The following ANKMY1 variants were observed in gnomAD, a reference collection of about 807,000 sequenced individuals.
The protein encoded by ANKMY1 is ankyrin repeat and MYND domain-containing protein 1.
In ANKMY1, 98 loss-of-function variants were observed where a neutral mutation model predicts 102.0. The ratio of observed to expected loss-of-function variants is 0.96; its 90% confidence interval spans 0.82 to 1.14. The LOEUF is 1.14. Among genes scored for constraint, ANKMY1 ranks in the 50% most tolerant of loss-of-function variants. ANKMY1 has a pLI of 0.00. For missense variants in ANKMY1, 1,330 were observed against 1,347.6 expected (o/e 0.99, Z 0.20); for synonymous variants, 582 against 559.9 (o/e 1.04, Z -0.56).
chr2:240,528,572 G>A (rs529839187), intron 5 of ANKMY1, among the ~76,000 whole-genome samples: 1 of 152,154 alleles, frequency 6.6e-6, no homozygotes, highest in South Asian at 2.1e-4. Context: ...ACACCTAGGC[G>A]CTGATGCAAC....
chr2:240,536,264 G>A (rs952026351), intron 4 of ANKMY1, among the ~76,000 whole-genome samples: 1 of 151,318 alleles, frequency 6.6e-6, no homozygotes, highest in East Asian at 1.9e-4. Flanking sequence ...CAATAAGTGA[G>A]AAAAGAAAAG....
At chr2:240,504,565 T>G (rs1206590436) in intron 13 of ANKMY1, among the ~76,000 whole-genome samples, 1 of 151,870 alleles carries the variant, frequency 6.6e-6, no homozygotes, top group South Asian at 2.1e-4. Flanking sequence ...AGAAATGTCC[T>G]AAAACTCAAT....
In ANKMY1 at chr2:240,523,951, G is replaced by T; in HGVS notation, c.1766C>A (p.Ser589Ter). 3.7e-6 allele frequency: 6 copies of T among 1,613,782 alleles called. No individual in the cohort carries two copies. Among genetic ancestry groups the T allele is most frequent in the Non-Finnish European group, 5.1e-6 (6 of 1,180,048 alleles). ...AQSHSLLKMA[S>*]PSPCTSSFDK... The stretch of plus-strand genomic sequence containing the variant: ...GAAGCTGCTGGTGCACGGTGAGGGC[G>T]AGGCCATCTTCAGCAAGCTGTGGGA... Residue 589 changes from serine to a stop codon, truncating the protein, a stop_gained, in exon 8 of 18, where the codon TCG (serine) becomes TAG (stop). Coordinates refer to ENST00000401804, the MANE Select transcript of ANKMY1 (RefSeq NM_001282771.3). LOFTEE classifies it high-confidence loss of function.
rs114892913 is a variant in ANKMY1 at position 240,508,900 on chromosome 2, G to C, written c.2394+448C>G. On this transcript the variant is annotated intron_variant, in intron 12 of 17. Coordinates refer to ENST00000401804, the MANE Select transcript of ANKMY1 (RefSeq NM_001282771.3). ...TGGATGGATGGACAGACGGATGGGTGAATAGGTGAATGAATGGATGGGTGA... is the reference window on the plus strand; with the variant it reads ...TGGATGGATGGACAGACGGATGGGTCAATAGGTGAATGAATGGATGGGTGA... Among the ~76,000 whole-genome samples, 1,198 of 150,848 alleles carry C rather than the reference G, an allele frequency of 7.9e-3. 12 individuals are homozygous for C. Among genetic ancestry groups the C allele is most frequent in the African/African-American group, 0.028 (1,151 of 41,060 alleles).
intron 4 of ANKMY1, among the ~76,000 whole-genome samples, chr2:240,540,217 G>A (rs1025636723): frequency 7.9e-5 from 12 of 152,198 alleles, no homozygotes; most frequent in Admixed American, 7.8e-4. Context: ...CCTAACCAAT[G>A]TGTGTTTTCC....
chr2:240,493,192 T>A (rs2076846077), intron 15 of ANKMY1, among the ~76,000 whole-genome samples: 1 of 151,844 alleles, frequency 6.6e-6, no homozygotes, highest in Non-Finnish European at 1.5e-5. Context: ...CCAGGCATGG[T>A]GGTGCATGCC....
At position 240,557,240 on chromosome 2, in the gene ANKMY1, AG is replaced by A; in HGVS notation, c.95del (p.Pro32LeufsTer9). ...RPLEGKGGET[P>X]AAEEPGSLKN... ...TCAGGGACCCCGGCTCCTCGGCAGC[AG>A]GGGTCTCGCCGCCCTTCCCCTCTAG... On this transcript the variant is annotated frameshift_variant, in exon 2 of 18. Transcript: ENST00000401804. LOFTEE classifies it high-confidence loss of function. 6.3e-7 allele frequency: 1 copy of A among 1,593,196 alleles called. No individual in the cohort carries two copies. Among genetic ancestry groups the A allele is most frequent in the Non-Finnish European group, 8.6e-7 (1 of 1,169,106 alleles).
chr2:240,535,806 G>A (rs1438170042), intron 4 of ANKMY1, among the ~76,000 whole-genome samples: 1 of 152,018 alleles, frequency 6.6e-6, no homozygotes, highest in Admixed American at 6.6e-5. Context: ...CTGCACTCCA[G>A]CCTGGGTGAC....
intron 5 of ANKMY1, chr2:240,527,166 AGATGAATAGATGGATAAGTGGGTGGGTG>A (rs2083687977): frequency 5.7e-6 from 1 of 174,082 alleles, no homozygotes; most frequent in Admixed American, 8.0e-5. Flanking sequence ...GTGGGTGGGT[AGATGAATAGATGGATAAGTGGGTGGGTG>A]GATGAATGGG....
chr2:240,557,257 T>C lies in ANKMY1; in HGVS notation c.79A>G (p.Lys27Glu), dbSNP rs748171919. Residue 27 changes from lysine to glutamate, a missense_variant, in exon 2 of 18, where the codon AAG becomes GAG. Physicochemically the swap from Lys to Glu is moderately conservative, Grantham distance 56 (BLOSUM62 1). Coordinates refer to ENST00000401804, the MANE Select transcript of ANKMY1 (RefSeq NM_001282771.3). ...AGSRQRPLEG[K>E]GGETPAAEEP... ...TCGGCAGCAGGGGTCTCGCCGCCCT[T>C]CCCCTCTAGCGGGCGTTGGCGGCTG... is the stretch of plus-strand genomic sequence containing the variant. The C allele has an allele frequency of 1.9e-6, 3 of 1,594,324 alleles. No homozygotes were observed. In the Admixed American group the frequency reaches 5.2e-5, roughly 28 times the overall value.
intron 4 of ANKMY1, among the ~76,000 whole-genome samples, chr2:240,544,474 G>A (rs1420749036): frequency 6.6e-6 from 1 of 152,202 alleles, no homozygotes; most frequent in African/African-American, 2.4e-5. Flanking sequence ...ATTGCTCAAA[G>A]TTAAAGGTCT....
Position 240,499,859 on chromosome 2 carries a change from A to AGTGT in ANKMY1, c.2806+98_2806+99insACAC. ...AGCCCAGCCCCAGGAAGGCCCCTCC[A>AGTGT]AGAGCCCCAGGGGGTCCAGATCTCC... On this transcript the variant is annotated intron_variant, in intron 15 of 17. Coordinates refer to ENST00000401804, the MANE Select transcript of ANKMY1 (RefSeq NM_001282771.3). This position sits in a 1 kb window ranked among gnomAD's most constrained non-coding sequence, Gnocchi z 4.2. 1 of 1,425,670 alleles carries AGTGT rather than the reference A, an allele frequency of 7.0e-7. No individual in the cohort carries two copies. Among genetic ancestry groups the AGTGT allele is most frequent in the Admixed American group, 2.7e-5 (1 of 37,226 alleles). The allele number at this position is 1,425,670 out of a possible 1,614,324, so 88.3% of individuals were successfully genotyped here.
At position 240,553,001 on chromosome 2, in the gene ANKMY1, C is replaced by A. The variant is rs752343809; in HGVS notation, c.393G>T (p.Trp131Cys). Residue 131 changes from tryptophan (W) to cysteine (C), a missense_variant, in exon 4 of 18, where the codon TGG (tryptophan) becomes TGT (cysteine). Physicochemically the swap from Trp to Cys is radical, Grantham distance 215 (BLOSUM62 -2). Transcript: ENST00000401804. ...DHCHGLGTYM[W>C]PDGSSFTGTF... ...TGCCCGTGAAACTGGAGCCATCTGG[C>A]CACATGTAGGTACCCAGGCCATGGC... 13 of 1,613,872 alleles carry A rather than the reference C, an allele frequency of 8.1e-6. No individual in the cohort carries two copies. The East Asian group carries it at 2.5e-4, about 30-fold the overall frequency.
At position 240,529,484 on chromosome 2, in the gene ANKMY1, A is replaced by C. The variant is rs765364213; in HGVS notation, c.506T>G (p.Phe169Cys). The C allele has an allele frequency of 1.9e-6, 3 of 1,613,596 alleles. No individual in the cohort carries two copies. The highest frequency in any genetic ancestry group is 1.7e-6 in the Non-Finnish European group (2 of 1,179,852). ...FQGLYKADQR[F>C]GPGVETYPDG... ...GGGGTAGGTCTCGACACCTGGCCCA[A>C]ACCGCTGGTCCGCTTTGTATAGCCC... The change falls in exon 5 of 18, where the codon TTT becomes TGT. Residue 169 changes from phenylalanine to cysteine, a missense_variant. Coordinates refer to ENST00000401804, the MANE Select transcript of ANKMY1 (RefSeq NM_001282771.3). The surrounding 1 kb of genome is among the most constrained non-coding windows in gnomAD (Gnocchi z 4.2).
At chr2:240,548,739 A>C (rs1174533592) in intron 4 of ANKMY1, among the ~76,000 whole-genome samples, 1 of 150,958 alleles carries the variant, frequency 6.6e-6, no homozygotes, top group Non-Finnish European at 1.5e-5. Flanking sequence ...CAGAGAGCCA[A>C]ATCATGAGTG....
rs979166814 is a variant in ANKMY1 at position 240,506,701 on chromosome 2, G to A, written c.2526+859C>T. ...CTCCCTCAGACAGGTAAGAACCAAA[G>A]TGTGTACCAAGATGGATTGAGGAAA... On this transcript the variant is annotated intron_variant, in intron 13 of 17. Transcript: ENST00000401804. The surrounding 1 kb of genome is among the most constrained non-coding windows in gnomAD (Gnocchi z 4.9). Among the ~76,000 whole-genome samples the A allele has an allele frequency of 6.6e-6, 1 of 150,516 alleles. No individual in the cohort carries two copies. The highest frequency in any genetic ancestry group is 1.5e-5 in the Non-Finnish European group (1 of 67,786).
intron 2 of ANKMY1, 140 bp downstream of exon 2, chr2:240,557,050 G>T: frequency 1.0e-6 from 1 of 1,000,452 alleles, no homozygotes; most frequent in Non-Finnish European, 1.4e-6. Flanking sequence ...ACAGTGTTGA[G>T]GCTTTCAGAT....
At chr2:240,509,661 A>G (rs981658794) in intron 11 of ANKMY1, among the ~76,000 whole-genome samples, 1 of 152,186 alleles carries the variant, frequency 6.6e-6, no homozygotes, top group African/African-American at 2.4e-5. Flanking sequence ...TGGATCTTCA[A>G]ATGGAGAAGA....
At chr2:240,560,486 G>A (rs1410944664), upstream of ANKMY1, 12 of 777,018 alleles carry the variant, frequency 1.5e-5, no homozygotes, top group African/African-American at 2.2e-4. Context: ...CCATGCCCCG[G>A]CCCCAACGAG....
Sources: gnomAD v4.1 joint callset for allele counts (sites outside exome capture counted in the v4.1 genomes callset) on GRCh38, gnomAD v4.1.1 for gene constraint, Gnocchi (gnomAD v3.1) non-coding constraint, MANE v1.5 for transcripts, NCBI Gene and HGNC (gene_info 2026-07-23, HGNC 2026-07-21) for gene names.